Variants in CLYBL observed in about 807,000 individuals in gnomAD.
CLYBL encodes the protein citramalyl-CoA lyase, mitochondrial.
CLYBL carries 31 observed loss-of-function variants against 38.9 expected under a neutral mutation model. The ratio of observed to expected loss-of-function variants is 0.80; its 90% CI spans 0.60 to 1.08. CLYBL has a LOEUF of 1.08. Ranked by LOEUF, CLYBL falls within the 50% of genes least tolerant of loss-of-function variation. The pLI is 0.00. For missense variants in CLYBL, 434 were observed against 411.6 expected, an observed-to-expected ratio of 1.05 and a Z score of -0.47; for synonymous variants, 171 against 158.6, an observed-to-expected ratio of 1.08 and a Z score of -0.59.
intron 5 of CLYBL, 146 bp from the exon 6 acceptor site, chr13:99,866,094 T>C: frequency 1.3e-6 from 1 of 784,264 alleles, no homozygotes; most frequent in South Asian, 1.7e-5. Flanking sequence ...GTCCCTGTCT[T>C]CATTTGTATT....
At chr13:99,884,275 G>T (rs1302380949) in intron 7 of CLYBL, among the ~76,000 whole-genome samples, 1 of 152,164 alleles carries the variant, frequency 6.6e-6, no homozygotes, top group Admixed American at 6.5e-5. Flanking sequence ...GAGAGGAAAA[G>T]GGTGAGCTCA....
intron 1 of CLYBL, among the ~76,000 whole-genome samples, chr13:99,716,247 G>C (rs2048312109): frequency 8.2e-6 from 1 of 121,744 alleles, no homozygotes; most frequent in African/African-American, 3.1e-5. Context: ...CTGGGCTCAA[G>C]TGATTCTCCT....
chr13:99,814,076 C>A (rs1401372633), intron 2 of CLYBL, among the ~76,000 whole-genome samples: 2 of 152,214 alleles, frequency 1.3e-5, no homozygotes, highest in African/African-American at 4.8e-5. Flanking sequence ...AGTGGCCCAA[C>A]AAGGTTTTGT....
intron 7 of CLYBL, among the ~76,000 whole-genome samples, chr13:99,889,791 C>T (rs538066693): frequency 6.6e-6 from 1 of 152,294 alleles, no homozygotes; most frequent in African/African-American, 2.4e-5. Context: ...CCTCTCAGCC[C>T]TCATCATGAG....
At chr13:99,676,833 G>A (rs149196587) in intron 1 of CLYBL, among the ~76,000 whole-genome samples, 5,934 of 149,420 alleles carry the variant, frequency 0.04, 150 homozygotes, top group Non-Finnish European at 0.05. Context: ...TCGAACTCTC[G>A]ACCTCAGGTG....
At position 99,904,045 on chromosome 13, in the gene CLYBL, T is replaced by TAAA. The variant is rs57462379; in HGVS notation, c.*25-1216_*25-1214dup. On this transcript the variant is annotated intron_variant and NMD_transcript_variant, in intron 8 of 9. Transcript: ENST00000689673. ...GGATGACAGAGTGAGACCCCTCTCTTAAAAAAAAAAACAAAAACAAAAAAA... is the reference window on the plus strand; with the variant it reads ...GGATGACAGAGTGAGACCCCTCTCTTAAAAAAAAAAAAAACAAAAACAAAAAAA... Among the ~76,000 whole-genome samples, 99 of 143,772 alleles carry TAAA rather than the reference T, an allele frequency of 6.9e-4. 1 individual carries two copies. The highest frequency in any genetic ancestry group is 4.0e-4 in the East Asian group (2 of 4,988). 94.3% of individuals were successfully genotyped at this position (143,772 alleles called of 152,430 possible).
chr13:99,716,070 C>G (rs2048306510), intron 1 of CLYBL, among the ~76,000 whole-genome samples: 1 of 149,166 alleles, frequency 6.7e-6, no homozygotes, highest in Non-Finnish European at 1.5e-5. Context: ...TTCTCCATCT[C>G]TTGAGATGTT....
intron 2 of CLYBL, among the ~76,000 whole-genome samples, chr13:99,778,398 C>T (rs2049566791): frequency 6.6e-6 from 1 of 152,054 alleles, no homozygotes; most frequent in Admixed American, 6.6e-5. Context: ...CCTAATTCAG[C>T]TTTCTTGGCA....
chr13:99,655,420 C>T (rs2047316304), intron 1 of CLYBL, among the ~76,000 whole-genome samples: 2 of 152,162 alleles, frequency 1.3e-5, no homozygotes, highest in Admixed American at 6.5e-5. Flanking sequence ...TGCTCTTTCA[C>T]GTGCCCACAT....
chr13:99,633,326 G>T (rs896647417), intron 1 of CLYBL, among the ~76,000 whole-genome samples: 5 of 151,778 alleles, frequency 3.3e-5, no homozygotes. Flanking sequence ...GATCACTTGA[G>T]GTCAGGAGTT....
At chr13:99,631,329 TTA>T (rs1424936942) in intron 1 of CLYBL, among the ~76,000 whole-genome samples, 14 of 102,180 alleles carry the variant, frequency 1.4e-4, no homozygotes, top group Admixed American at 1.3e-3. Flanking sequence ...CTCCAAATAT[TTA>T]TGTGTGTGTG....
chr13:99,753,668 T>C (rs1267896265), intron 1 of CLYBL, among the ~76,000 whole-genome samples: 1 of 152,224 alleles, frequency 6.6e-6, no homozygotes, highest in Non-Finnish European at 1.5e-5. Flanking sequence ...GAGTTATTAT[T>C]TTAGTGGCAA....
chr13:99,629,036 C>T (rs902018576), intron 1 of CLYBL, among the ~76,000 whole-genome samples: 4 of 152,216 alleles, frequency 2.6e-5, no homozygotes, highest in African/African-American at 9.6e-5. Context: ...CTGCTTCGTT[C>T]GCGGACTCTG....
At chr13:99,635,161 A>C (rs2047000987) in intron 1 of CLYBL, among the ~76,000 whole-genome samples, 1 of 152,010 alleles carries the variant, frequency 6.6e-6, no homozygotes, top group South Asian at 2.1e-4. Context: ...TCCGCCTTTT[A>C]ACTCACCTTG....
At chr13:99,838,663 TC>T (rs1437627791) in intron 2 of CLYBL, among the ~76,000 whole-genome samples, 5 of 152,002 alleles carry the variant, frequency 3.3e-5, no homozygotes, top group African/African-American at 1.2e-4. Context: ...TGAAACGGAG[TC>T]TCATGCTGTC....
intron 1 of CLYBL, among the ~76,000 whole-genome samples, chr13:99,652,787 C>T (rs1348200899): frequency 1.3e-5 from 2 of 152,244 alleles, no homozygotes; most frequent in Admixed American, 6.5e-5. Context: ...GGCAGGCTCT[C>T]GCCTGGGTGT....
intron 1 of CLYBL, among the ~76,000 whole-genome samples, chr13:99,721,385 T>C (rs2048390161): frequency 6.6e-6 from 1 of 152,060 alleles, no homozygotes; most frequent in African/African-American, 2.4e-5. Context: ...ATTTACTTAC[T>C]ATTTCAGTGA....
At chr13:99,761,006 C>T (rs2049154797) in intron 1 of CLYBL, among the ~76,000 whole-genome samples, 1 of 152,224 alleles carries the variant, frequency 6.6e-6, no homozygotes, top group African/African-American at 2.4e-5. Flanking sequence ...ATCAACTTCT[C>T]TTCATACCCA....
intron 1 of CLYBL, among the ~76,000 whole-genome samples, chr13:99,745,752 G>A (rs770084035): frequency 2.6e-5 from 4 of 152,050 alleles, no homozygotes; most frequent in Non-Finnish European, 5.9e-5. Context: ...CACAGCTTTC[G>A]TGTGTGTGGT....
Sources: allele counts gnomAD v4.1 joint callset (sites outside exome capture counted in the v4.1 genomes callset), GRCh38; gene constraint gnomAD v4.1.1; transcripts MANE v1.5; gene names NCBI Gene and HGNC (gene_info 2026-07-23, HGNC 2026-07-21).